The following SKAP2 variants were observed in gnomAD, a reference collection of about 807,000 sequenced individuals.
The protein encoded by SKAP2 is src kinase associated phosphoprotein 2, also known as src kinase-associated phosphoprotein 2.
SKAP2 carries 28 observed loss-of-function variants against 54.9 expected under a neutral mutation model. The observed-to-expected ratio is 0.51, with a 90% CI of 0.38 to 0.70. The LOEUF (loss-of-function observed/expected upper bound fraction) is 0.70. Ranked by LOEUF, SKAP2 falls within the 30% of genes least tolerant of loss-of-function variation. The probability of loss-of-function intolerance (pLI) is 0.00; values close to 1 mark genes in which losing one functional copy is unlikely to be tolerated. For missense variants in SKAP2, 356 were observed against 424.1 expected (o/e 0.84, Z 1.41); for synonymous variants, 137 against 134.3 (o/e 1.02, Z -0.14).
At chr7:26,698,000 G>A (rs1226045262) in intron 9 of SKAP2, among the ~76,000 whole-genome samples, 1 of 151,954 alleles carries the variant, frequency 6.6e-6, no homozygotes, top group Non-Finnish European at 1.5e-5. Context: ...AATTTTATTA[G>A]ATTAAAAAAT....
At chr7:26,673,190 T>C (rs762303781) in intron 11 of SKAP2, among the ~76,000 whole-genome samples, 3 of 152,100 alleles carry the variant, frequency 2.0e-5, no homozygotes, top group African/African-American at 4.8e-5. Context: ...GGAAGCATCA[T>C]GTAATCTTTA....
In SKAP2 at chr7:26,852,880, TC is replaced by T. The variant is rs1785075550; in HGVS notation, c.199+1256del. Among the ~76,000 whole-genome samples, 3 of 152,276 alleles carry T rather than the reference TC, an allele frequency of 2.0e-5. No homozygotes were observed. The South Asian group carries it at 6.2e-4, about 32-fold the overall frequency. ...GGCAGAATCTGATATCTAATATTCT[TC>T]CATAAAGTATACTACATAATAAAAG... On this transcript the variant is annotated intron_variant, in intron 3 of 12. Coordinates refer to ENST00000345317, the MANE Select transcript of SKAP2 (RefSeq NM_003930.5).
intron 6 of SKAP2, among the ~76,000 whole-genome samples, chr7:26,736,056 A>G (rs933302514): frequency 5.3e-5 from 8 of 152,220 alleles, no homozygotes; most frequent in African/African-American, 1.7e-4. Context: ...AAGGAATGCT[A>G]AAATGGTAAT....
At chr7:26,819,671 A>C (rs1000438647) in intron 4 of SKAP2, among the ~76,000 whole-genome samples, 1 of 152,184 alleles carries the variant, frequency 6.6e-6, no homozygotes, top group African/African-American at 2.4e-5. Context: ...TAATTTTTCA[A>C]TGCCTTCAGT....
At chr7:26,827,944 A>G (rs1784523974) in intron 4 of SKAP2, among the ~76,000 whole-genome samples, 2 of 152,206 alleles carry the variant, frequency 1.3e-5, no homozygotes, top group African/African-American at 2.4e-5. Context: ...TGTGACTGAC[A>G]CAGGGAAAAA....
intron 4 of SKAP2, among the ~76,000 whole-genome samples, chr7:26,821,371 A>T (rs1431665117): frequency 6.6e-6 from 1 of 152,236 alleles, no homozygotes. Flanking sequence ...TAATCATACT[A>T]AGGAATGAAA....
At chr7:26,736,040 A>G (rs1787932558) in intron 6 of SKAP2, among the ~76,000 whole-genome samples, 2 of 152,206 alleles carry the variant, frequency 1.3e-5, no homozygotes, top group African/African-American at 4.8e-5. Flanking sequence ...AGACATCAAC[A>G]TGAAAAAGGA....
chr7:26,847,928 C>T (rs1469223932), intron 3 of SKAP2: 1 of 152,092 alleles, frequency 6.6e-6, no homozygotes, highest in East Asian at 1.9e-4. Flanking sequence ...TGATTTATCC[C>T]ACAACTTTCA....
At chr7:26,770,920 C>G (rs1584380157) in intron 4 of SKAP2, among the ~76,000 whole-genome samples, 1 of 151,840 alleles carries the variant, frequency 6.6e-6, no homozygotes, top group Non-Finnish European at 1.5e-5. Context: ...CCTGGGAATC[C>G]TACTACATAA....
rs371268784 is a variant in SKAP2, at chr7:26,864,343, G to A, written c.67+20C>T. Reference sequence around the variant, plus strand: ...TCGCCCCCGCCCCGACAGCATTATCGCCGCCTTCCCGCTCTTTACCTGCCA... The same window carrying A: ...TCGCCCCCGCCCCGACAGCATTATCACCGCCTTCCCGCTCTTTACCTGCCA... On this transcript the variant is annotated intron_variant, in intron 1 of 12. Coordinates refer to ENST00000345317, the MANE Select transcript of SKAP2 (RefSeq NM_003930.5). 1.1e-5 allele frequency: 17 copies of A among 1,613,316 alleles called. No homozygotes were observed. Among genetic ancestry groups the A allele is most frequent in the South Asian group, 8.8e-5 (8 of 91,072 alleles).
intron 4 of SKAP2, among the ~76,000 whole-genome samples, chr7:26,751,596 G>C (rs1174325130): frequency 6.6e-6 from 1 of 152,062 alleles, no homozygotes; most frequent in East Asian, 1.9e-4. Flanking sequence ...CTGGTTTAAA[G>C]TATTATAAGC....
intron 6 of SKAP2, among the ~76,000 whole-genome samples, chr7:26,731,059 C>T (rs1169695271): frequency 2.6e-5 from 4 of 152,136 alleles, no homozygotes; most frequent in African/African-American, 9.7e-5. Context: ...ACAGTAAAAG[C>T]CAGGACCCTA....
intron 4 of SKAP2, among the ~76,000 whole-genome samples, chr7:26,752,562 T>C (rs1337105196): frequency 6.6e-6 from 1 of 152,160 alleles, no homozygotes; most frequent in African/African-American, 2.4e-5. Flanking sequence ...CAGACAATCA[T>C]TCCAAAATCC....
intron 4 of SKAP2, chr7:26,746,613 T>TA (rs1254278103): frequency 2.1e-5 from 3 of 142,202 alleles, no homozygotes; most frequent in Admixed American, 6.9e-5. Context: ...CTCAGTTCCA[T>TA]ACCTTTTTTT....
intron 4 of SKAP2, among the ~76,000 whole-genome samples, chr7:26,781,927 C>T (rs1218425680): frequency 1.3e-5 from 2 of 152,218 alleles, no homozygotes; most frequent in South Asian, 2.1e-4. Context: ...GAAGCCTTCC[C>T]TGACCTCCCT....
At chr7:26,721,127 AAG>A in intron 9 of SKAP2, among the ~76,000 whole-genome samples, 1 of 152,304 alleles carries the variant, frequency 6.6e-6, no homozygotes, top group East Asian at 1.9e-4. Context: ...CATTCCAAAG[AAG>A]AAAGGAGAAA....
intron 9 of SKAP2, among the ~76,000 whole-genome samples, chr7:26,717,294 T>C (rs1420872033): frequency 6.6e-6 from 1 of 151,898 alleles, no homozygotes; most frequent in Non-Finnish European, 1.5e-5. Context: ...GCAGATCGCT[T>C]GAACTCAGAA....
At chr7:26,670,716 T>A (rs1786209201) in intron 11 of SKAP2, among the ~76,000 whole-genome samples, 1 of 152,080 alleles carries the variant, frequency 6.6e-6, no homozygotes, top group Admixed American at 6.6e-5. Flanking sequence ...ATACACACTT[T>A]AACAGATAAA....
intron 4 of SKAP2, among the ~76,000 whole-genome samples, chr7:26,813,362 C>T (rs1284946269): frequency 1.3e-5 from 2 of 152,170 alleles, no homozygotes; most frequent in East Asian, 3.9e-4. Flanking sequence ...TTTGTCTATA[C>T]TTTTTCAAAA....
Sources: allele counts gnomAD v4.1 joint callset (sites outside exome capture counted in the v4.1 genomes callset), GRCh38; gene constraint gnomAD v4.1.1; transcripts MANE v1.5; gene names NCBI Gene and HGNC (gene_info 2026-07-23, HGNC 2026-07-21).